MED13: variants seen among roughly 807,000 people sequenced by gnomAD.
MED13 encodes mediator complex subunit 13, also known as mediator of RNA polymerase II transcription subunit 13.
In MED13, 23 loss-of-function variants were observed where a neutral mutation model predicts 225.2. That is an observed-to-expected ratio of 0.10 (90% CI 0.07 to 0.14). The LOEUF (loss-of-function observed/expected upper bound fraction) is 0.14, where lower values mean the gene tolerates loss of function less well. Among genes scored for constraint, MED13 ranks in the 10% least tolerant of loss-of-function variants. The pLI, the probability that MED13 is intolerant of heterozygous loss-of-function variation, is 1.00. For missense variants in MED13, 2,197 were observed against 2,594.5 expected (o/e 0.85, Z 3.33); for synonymous variants, 942 against 889.2 (o/e 1.06, Z -1.06).
intron 2 of MED13, among the ~76,000 whole-genome samples, chr17:62,053,679 A>G (rs1049078705): frequency 6.6e-6 from 1 of 152,228 alleles, no homozygotes; most frequent in African/African-American, 2.4e-5. Context: ...ACATTTTGTA[A>G]ATATGGGTCA....
At chr17:62,042,489 G>T (rs543981117) in intron 3 of MED13, among the ~76,000 whole-genome samples, 3 of 149,026 alleles carry the variant, frequency 2.0e-5, no homozygotes, top group South Asian at 4.3e-4. Context: ...TTGAACCTGG[G>T]AGGTGGCAGT....
At chr17:61,960,334 T>C (rs1034503008) in intron 23 of MED13, among the ~76,000 whole-genome samples, 1 of 152,016 alleles carries the variant, frequency 6.6e-6, no homozygotes, top group African/African-American at 2.4e-5. Flanking sequence ...AATGGCGTGA[T>C]CTTGGCTCAC....
chr17:61,961,519 CAAA>C (rs56723756), intron 22 of MED13, 66 bp downstream of exon 22: 24,535 of 718,354 alleles, frequency 0.034, 136 homozygotes, highest in African/African-American at 0.15. Context: ...GGCTCCATCT[CAAA>C]AAAAAAAAAA....
intron 9 of MED13, among the ~76,000 whole-genome samples, chr17:62,002,489 C>CAAAAA (rs35736875): frequency 2.0e-5 from 1 of 50,658 alleles, no homozygotes; most frequent in Non-Finnish European, 5.1e-5. Flanking sequence ...AACTCCATCT[C>CAAAAA]AAAAAAAAAA....
Position 62,062,138 on chromosome 17 carries a change from T to TA in MED13, c.301+928dup, listed in dbSNP as rs927242625. ...GAGTACTCAATTTCAAATAAGAACT[T>TA]AAAAAAAATTATCTAGAAATCCTAA... On this transcript the variant is annotated intron_variant, in intron 2 of 29. Coordinates refer to ENST00000397786, the MANE Select transcript of MED13 (RefSeq NM_005121.3). Among the ~76,000 whole-genome samples the TA allele has an allele frequency of 4.6e-5, 7 of 152,062 alleles. No individual in the cohort carries two copies. The South Asian group carries it at 1.0e-3, about 23-fold the overall frequency.
intron 16 of MED13, among the ~76,000 whole-genome samples, chr17:61,981,064 C>T (rs1300548304): frequency 6.6e-6 from 1 of 151,580 alleles, no homozygotes; most frequent in Non-Finnish European, 1.5e-5. Flanking sequence ...CTCCTGTTGC[C>T]CAGGCTGGAG....
At chr17:61,952,626 GC>G (rs1289142654) in intron 27 of MED13, among the ~76,000 whole-genome samples, 1 of 152,150 alleles carries the variant, frequency 6.6e-6, no homozygotes, top group Non-Finnish European at 1.5e-5. Flanking sequence ...CTCAACTCTT[GC>G]TAATTTCCAA....
chr17:61,974,741 A>C (rs2143419306), intron 16 of MED13, among the ~76,000 whole-genome samples: 1 of 152,318 alleles, frequency 6.6e-6, no homozygotes, highest in South Asian at 2.1e-4. Flanking sequence ...AAAAGAATGA[A>C]GTCAGAACCC....
intron 9 of MED13, among the ~76,000 whole-genome samples, chr17:62,007,898 A>G (rs1298954989): frequency 1.3e-5 from 2 of 151,974 alleles, no homozygotes; most frequent in Non-Finnish European, 2.9e-5. Context: ...GCGCACCTAT[A>G]GTCCCAGCTA....
intron 3 of MED13, among the ~76,000 whole-genome samples, chr17:62,036,456 CAG>C (rs1164291598): frequency 3.3e-5 from 5 of 152,240 alleles, no homozygotes; most frequent in African/African-American, 4.8e-5. Context: ...TCAAGTTGCG[CAG>C]AGGAGGATAA....
chr17:61,949,345 C>G (rs2079877610), intron 28 of MED13, among the ~76,000 whole-genome samples: 2 of 151,730 alleles, frequency 1.3e-5, no homozygotes, highest in South Asian at 4.2e-4. Flanking sequence ...CCCTCCTGCC[C>G]CAGCTTTTCA....
At chr17:61,990,537 T>A (rs1022230002) in intron 11 of MED13, among the ~76,000 whole-genome samples, 1 of 150,944 alleles carries the variant, frequency 6.6e-6, no homozygotes, top group Non-Finnish European at 1.5e-5. Context: ...GTTAAAAAAA[T>A]GTAAATATAT....
At chr17:62,041,529 TAA>T (rs2080852473) in intron 3 of MED13, among the ~76,000 whole-genome samples, 1 of 152,226 alleles carries the variant, frequency 6.6e-6, no homozygotes, top group South Asian at 2.1e-4. Flanking sequence ...GAAAAATTAT[TAA>T]GTTTTGTTAC....
chr17:61,961,621 A>T lies in MED13; in HGVS notation c.5223T>A (p.Gly1741=), dbSNP rs1427688852. The change falls in exon 22 of 30, where the codon GGT becomes GGA. Residue 1741 remains glycine, a synonymous_variant. Transcript: ENST00000397786. ...NVKTLTGFGP[G]LAMETALRSP... ...TTCTAAGGGCAGTTTCCATGGCTAAACCTGGACCAAAGCCAGTCAATGTTT... is the reference window on the plus strand; with the variant it reads ...TTCTAAGGGCAGTTTCCATGGCTAATCCTGGACCAAAGCCAGTCAATGTTT... The T allele has an allele frequency of 1.2e-6, 2 of 1,613,960 alleles. No individual in the cohort carries two copies. Among genetic ancestry groups the T allele is most frequent in the African/African-American group, 2.7e-5 (2 of 74,880 alleles).
rs766909961 is a variant in MED13, at chr17:62,008,317, C to CAA, written c.1967+2231_1967+2232dup. On this transcript the variant is annotated intron_variant, in intron 9 of 29. Coordinates refer to ENST00000397786, the MANE Select transcript of MED13 (RefSeq NM_005121.3). ...TGGGCCACAGAGCGAGGCTCTGTCT[C>CAA]AAAAAAAAAAAAAAAAAAAAAAAAA... Among the ~76,000 whole-genome samples, 50 of 33,148 alleles carry CAA rather than the reference C, an allele frequency of 1.5e-3. 2 individuals carry two copies. The highest frequency in any genetic ancestry group is 4.6e-3 in the East Asian group (4 of 876). The allele number at this position is 33,148 out of a possible 152,430, so 21.7% of individuals were successfully genotyped here. A position where few individuals can be genotyped will look rare whatever the true frequency, so the allele number is the denominator to read the frequency against.
intron 2 of MED13, among the ~76,000 whole-genome samples, chr17:62,062,709 T>C (rs770409400): frequency 2.2e-4 from 34 of 152,074 alleles, no homozygotes; most frequent in Non-Finnish European, 4.1e-4. Context: ...CTGAAGTGAC[T>C]CAAAAGTTAC....
intron 3 of MED13, among the ~76,000 whole-genome samples, chr17:62,040,863 T>TA (rs202171734): frequency 1.9e-3 from 294 of 151,896 alleles, no homozygotes; most frequent in African/African-American, 6.5e-3. Flanking sequence ...AAAATAGCTT[T>TA]AAAAAAAACA....
chr17:62,015,972 T>TAG (rs2080575339), intron 8 of MED13, among the ~76,000 whole-genome samples: 1 of 66,238 alleles, frequency 1.5e-5, no homozygotes, highest in Non-Finnish European at 2.8e-5. Flanking sequence ...TTTTTTTTTT[T>TAG]TTTTTTTTTT....
intron 2 of MED13, among the ~76,000 whole-genome samples, chr17:62,054,163 C>G (rs2080978555): frequency 6.6e-6 from 1 of 151,772 alleles, no homozygotes; most frequent in Admixed American, 6.6e-5. Context: ...AAAAATTAGC[C>G]AGGCGTCATA....
Sources: gnomAD v4.1 joint callset for allele counts (sites outside exome capture counted in the v4.1 genomes callset) on GRCh38, gnomAD v4.1.1 for gene constraint, MANE v1.5 for transcripts, NCBI Gene and HGNC (gene_info 2026-07-23, HGNC 2026-07-21) for gene names.